Variants in CEP131 observed in about 807,000 individuals in gnomAD.
The protein encoded by CEP131 is centrosomal protein of 131 kDa.
CEP131 carries 99 observed loss-of-function variants against 136.8 expected under a neutral mutation model. The ratio of observed to expected loss-of-function variants is 0.72; its 90% CI spans 0.62 to 0.86. The LOEUF is 0.86. CEP131 is among the 40% of genes least tolerant of loss of function. CEP131 has a pLI of 0.00. For synonymous variants in CEP131, 646 were observed against 612.7 expected, an observed-to-expected ratio of 1.05 and a Z score of -0.80; for missense variants, 1,459 against 1,463.0, an observed-to-expected ratio of 1.00 and a Z score of 0.04.
At position 81,213,237 on chromosome 17, in the gene CEP131, C is replaced by G. The variant is rs895197185; in HGVS notation, c.178-4215G>C. On this transcript the variant is annotated intron_variant, in intron 2 of 25. Coordinates refer to ENST00000450824, the MANE Select transcript of CEP131 (RefSeq NM_014984.4). ...ACTTGAAGTGTAAAATAAATATCCA[C>G]GAGTCCATTATAATAAATGATTGAA... is the stretch of plus-strand genomic sequence containing the variant. Among the ~76,000 whole-genome samples, 28 of 152,138 alleles carry G rather than the reference C, an allele frequency of 1.8e-4. 1 individual carries two copies. The highest frequency in any genetic ancestry group is 1.8e-3 in the Admixed American group (27 of 15,254).
At chr17:81,209,131 T>C (rs2062079157) in intron 2 of CEP131, 109 bp from the exon 3 acceptor site, 1 of 826,894 alleles carries the variant, frequency 1.2e-6, no homozygotes, top group Non-Finnish European at 1.9e-6. Flanking sequence ...GGGGTGGCCC[T>C]AGGGTTACAG....
Position 81,198,236 on chromosome 17 carries a change from C to A in CEP131, c.1349G>T (p.Ser450Ile), listed in dbSNP as rs560645547. ...CTCCAGTGGCCCCCTGGACTTGGCG[C>A]TCCCCCTGCTCGGGGCCATCATCTC... is the stretch of plus-strand genomic sequence containing the variant. ...NLEMMAPSRG[S>I]AKSRGPLEEL... is the part of the protein sequence containing the mutation. Residue 450 changes from serine to isoleucine, a missense_variant, in exon 12 of 26, where the codon AGC becomes ATC. By Grantham distance (142) the Ser-to-Ile change is moderately radical. Coordinates refer to ENST00000450824, the MANE Select transcript of CEP131 (RefSeq NM_014984.4). 50 of 1,602,868 alleles carry A rather than the reference C, an allele frequency of 3.1e-5. No individual in the cohort carries two copies. The East Asian group carries it at 1.1e-3, about 35-fold the overall frequency.
Position 81,219,772 on chromosome 17 carries a change from G to A in CEP131, c.177+108C>T. ...CAGCCACGAGGATCCAGCATGTCCA[G>A]ATGTGAGGCACTTGTTCACCTGTGG... On this transcript the variant is annotated intron_variant, in intron 2 of 25. Coordinates refer to ENST00000450824, the MANE Select transcript of CEP131 (RefSeq NM_014984.4). The surrounding 1 kb of genome is among the most constrained non-coding windows in gnomAD (Gnocchi z 4.0). 8.2e-7 allele frequency: 1 copy of A among 1,223,844 alleles called. No homozygotes were observed. The highest frequency in any genetic ancestry group is 1.1e-6 in the Non-Finnish European group (1 of 901,778). The allele number at this position is 1,223,844 out of a possible 1,614,324, so 75.8% of individuals were successfully genotyped here.
Position 81,195,891 on chromosome 17 carries a change from G to C in CEP131, c.1960C>G (p.Gln654Glu). 1 of 1,609,634 alleles carries C rather than the reference G, an allele frequency of 6.2e-7. No individual in the cohort carries two copies. The highest frequency in any genetic ancestry group is 8.5e-7 in the Non-Finnish European group (1 of 1,179,948). The change falls in exon 16 of 26, where the codon CAG becomes GAG. Residue 654 changes from glutamine to glutamate, a missense_variant. Coordinates refer to ENST00000450824, the MANE Select transcript of CEP131 (RefSeq NM_014984.4). Reference protein sequence around the residue: ...KCEAVVAELKQEDQRCTERVA... With the variant: ...KCEAVVAELKEEDQRCTERVA... The stretch of plus-strand genomic sequence containing the variant: ...CGCTCGGTGCATCTCTGGTCCTCCT[G>C]CTTCAGCTCGGCCACCACAGCCTCG...
Position 81,215,143 on chromosome 17 carries a change from G to A in CEP131, c.177+4737C>T. ...GAGTCTCACTCTGTTGCCCAGGCTG[G>A]AGAGCAGTGGCATGATCATAGCTCA... is the stretch of plus-strand genomic sequence containing the variant. On this transcript the variant is annotated intron_variant, in intron 2 of 25. Coordinates refer to ENST00000450824, the MANE Select transcript of CEP131 (RefSeq NM_014984.4). The surrounding 1 kb of genome is among the most constrained non-coding windows in gnomAD (Gnocchi z 4.1). Among the ~76,000 whole-genome samples the A allele has an allele frequency of 6.6e-6, 1 of 151,922 alleles. No homozygotes were observed. The highest frequency in any genetic ancestry group is 1.9e-4 in the East Asian group (1 of 5,190).
rs773106662 is a variant in CEP131 at position 81,197,052 on chromosome 17, A to G, written c.1651T>C (p.Trp551Arg). ...QDQLDSQQEG[W>R]VPEAGPGPLE... is the part of the protein sequence containing the mutation. ...GGCCCCGGCCCCGCCTCCGGCACCC[A>G]CCCCTGCAGACACAGCCGAGCGTCA... Residue 551 changes from tryptophan (W) to arginine (R), a missense_variant, in exon 14 of 26, where the codon TGG (tryptophan) becomes CGG (arginine). Around this residue, in one of 3 missense-constraint regions of CEP131, gnomAD observed 1,026 missense variants for 964.2 expected, o/e 1.06. Coordinates refer to ENST00000450824, the MANE Select transcript of CEP131 (RefSeq NM_014984.4). The G allele has an allele frequency of 4.4e-6, 7 of 1,584,342 alleles. No individual in the cohort carries two copies. The East Asian group carries it at 1.4e-4, about 31-fold the overall frequency.
chr17:81,209,040 A>G lies in CEP131; in HGVS notation c.178-18T>C, dbSNP rs117670830. On this transcript the variant is annotated intron_variant, in intron 2 of 25. Coordinates refer to ENST00000450824, the MANE Select transcript of CEP131 (RefSeq NM_014984.4). Reference sequence around the variant, plus strand: ...GTGGCCTCCTGCAAAAAGGGAGAAAACAGTTAATTATGCAGCAAAGGCTCA... The same window carrying G: ...GTGGCCTCCTGCAAAAAGGGAGAAAGCAGTTAATTATGCAGCAAAGGCTCA... 15,091 of 1,569,328 alleles carry G rather than the reference A, an allele frequency of 9.6e-3. 220 individuals are homozygous for G. The highest frequency in any genetic ancestry group is 0.047 in the South Asian group (4,196 of 89,676).
chr17:81,211,012 C>T (rs989911593), intron 2 of CEP131, among the ~76,000 whole-genome samples: 1 of 152,238 alleles, frequency 6.6e-6, no homozygotes, highest in Non-Finnish European at 1.5e-5. Flanking sequence ...CAGACAGAGG[C>T]CACTGTGAGG....
In CEP131 at chr17:81,208,889, G is replaced by A. The variant is rs572260770; in HGVS notation, c.272+39C>T. 243 of 1,542,842 alleles carry A rather than the reference G, an allele frequency of 1.6e-4. 2 individuals are homozygous for A. The South Asian group carries it at 2.3e-3, about 15-fold the overall frequency. On this transcript the variant is annotated intron_variant, in intron 3 of 25. Coordinates refer to ENST00000450824, the MANE Select transcript of CEP131 (RefSeq NM_014984.4). This position sits in a 1 kb window ranked among gnomAD's most constrained non-coding sequence, Gnocchi z 5.6. ...GCCAGGGTGGGGCACCTGAGGTCCC[G>A]GGAAGGGGCCAGGGTTATCCAAGGG...
intron 17 of CEP131, among the ~76,000 whole-genome samples, chr17:81,194,646 T>C (rs1417638914): frequency 6.6e-6 from 1 of 151,992 alleles, no homozygotes. Flanking sequence ...ACTGCCTAGA[T>C]GCTGGGGGCT....
rs936644758 is a variant in CEP131, at chr17:81,222,946, G to C, written c.-195C>G. The stretch of plus-strand genomic sequence containing the variant: ...GACAATGAAGCGGCCGGACGGCCGG[G>C]GTGAGCAGCGGCGGCAGCTAGCAAC... On this transcript the variant is annotated 5_prime_UTR_variant, in exon 1 of 26. Coordinates refer to ENST00000450824, the MANE Select transcript of CEP131 (RefSeq NM_014984.4). 6.6e-6 allele frequency: 1 copy of C among 152,366 alleles called. No individual in the cohort carries two copies. The highest frequency in any genetic ancestry group is 2.4e-5 in the African/African-American group (1 of 41,472). The allele number at this position is 152,366 out of a possible 1,614,324, so 9.4% of individuals were successfully genotyped here. A position where few individuals can be genotyped will look rare whatever the true frequency, so the allele number is the denominator to read the frequency against.
At chr17:81,206,539 T>C (rs965646077) in intron 5 of CEP131, among the ~76,000 whole-genome samples, 7 of 152,012 alleles carry the variant, frequency 4.6e-5, no homozygotes, top group Non-Finnish European at 7.4e-5. Flanking sequence ...GAGCAAAGCC[T>C]GGGCCGAGAG....
intron 1 of CEP131, among the ~76,000 whole-genome samples, chr17:81,221,147 C>T (rs1014123504): frequency 3.1e-5 from 3 of 97,158 alleles, no homozygotes; most frequent in Admixed American, 2.3e-4. Flanking sequence ...AAAAAAAAAA[C>T]GCGGGAGTGG....
Position 81,208,085 on chromosome 17 carries a change from CCACA to C in CEP131, c.272+839_272+842del, listed in dbSNP as rs994124663. Among the ~76,000 whole-genome samples the C allele has an allele frequency of 6.3e-5, 9 of 142,636 alleles. No individual in the cohort carries two copies. The highest frequency in any genetic ancestry group is 6.9e-5 in the Admixed American group (1 of 14,444). The allele number at this position is 142,636 out of a possible 152,430, so 93.6% of individuals were successfully genotyped here. On this transcript the variant is annotated intron_variant, in intron 3 of 25. Transcript: ENST00000450824. The surrounding 1 kb of genome is among the most constrained non-coding windows in gnomAD (Gnocchi z 5.6). ...TCACACCACACACCCACACACCACACCACACACACACACTTATGCCACACACCCA... is the reference window on the plus strand; with the variant it reads ...TCACACCACACACCCACACACCACACCACACACACTTATGCCACACACCCA...
In CEP131 at chr17:81,197,697, C is replaced by T; in HGVS notation, c.1647+15G>A. 2 of 1,601,280 alleles carry T rather than the reference C, an allele frequency of 1.2e-6. No individual in the cohort carries two copies. The highest frequency in any genetic ancestry group is 1.7e-6 in the Non-Finnish European group (2 of 1,173,324). On this transcript the variant is annotated intron_variant, in intron 13 of 25. Transcript: ENST00000450824. ...CCTCCCACTGGGGGCCGGGTGCGGG[C>T]TGGTGAGGGGCCACCTCCTGCTGGG...
In CEP131 at chr17:81,215,566, C is replaced by T. The variant is rs1285175118; in HGVS notation, c.177+4314G>A. Among the ~76,000 whole-genome samples, 2 of 152,046 alleles carry T rather than the reference C, an allele frequency of 1.3e-5. No individual in the cohort carries two copies. The highest frequency in any genetic ancestry group is 2.4e-5 in the African/African-American group (1 of 41,386). ...AGCTGGCATTACAGGTGCCTGCCAC[C>T]ACGTCCAGCTATTTTTTCTATTTTT... is the stretch of plus-strand genomic sequence containing the variant. On this transcript the variant is annotated intron_variant, in intron 2 of 25. Transcript: ENST00000450824. The surrounding 1 kb of genome is among the most constrained non-coding windows in gnomAD (Gnocchi z 4.1).
At chr17:81,196,142 T>G (rs2061750014) in intron 15 of CEP131, among the ~76,000 whole-genome samples, 191 bp from the exon 16 acceptor site, 1 of 152,124 alleles carries the variant, frequency 6.6e-6, no homozygotes, top group South Asian at 2.1e-4. Context: ...CAGGCCTGCA[T>G]CCGCCGTCCT....
intron 2 of CEP131, among the ~76,000 whole-genome samples, chr17:81,216,572 G>A (rs577293401): frequency 1.3e-5 from 2 of 152,296 alleles, no homozygotes; most frequent in East Asian, 3.9e-4. Context: ...CCACGCAGCT[G>A]ACGGATACGG....
chr17:81,206,879 ACAGCT>A lies in CEP131; in HGVS notation c.388-13_388-9del, dbSNP rs1340036688. The A allele has an allele frequency of 6.2e-7, 1 of 1,612,526 alleles. No individual in the cohort carries two copies. Among genetic ancestry groups the A allele is most frequent in the Admixed American group, 1.7e-5 (1 of 59,930 alleles). On this transcript the variant is annotated splice_polypyrimidine_tract_variant and intron_variant, in intron 4 of 25. Coordinates refer to ENST00000450824, the MANE Select transcript of CEP131 (RefSeq NM_014984.4). ...GCCCCGGGGCTGGTCATCCTGTCAG[ACAGCT>A]CAGCCCATGACACCGCCCGCACACA...
Sources: gnomAD v4.1 joint callset for allele counts (sites outside exome capture counted in the v4.1 genomes callset) on GRCh38, gnomAD v4.1.1 for gene constraint, gnomAD v4.1.1 regional missense constraint, Gnocchi (gnomAD v3.1) non-coding constraint, MANE v1.5 for transcripts, NCBI Gene and HGNC (gene_info 2026-07-23, HGNC 2026-07-21) for gene names.